KCNU1: variants seen among roughly 807,000 people sequenced by gnomAD.
The protein encoded by KCNU1 is potassium channel subfamily U member 1.
A neutral mutation model predicts 126.8 loss-of-function variants in KCNU1; 93 were observed. That is an observed-to-expected ratio of 0.73 (90% confidence interval 0.62 to 0.87). The LOEUF (loss-of-function observed/expected upper bound fraction) is 0.87, where lower values mean the gene tolerates loss of function less well. Among genes scored for constraint, KCNU1 ranks in the 40% least tolerant of loss-of-function variants. The pLI, the probability that KCNU1 is intolerant of heterozygous loss-of-function variation, is 0.00. For synonymous variants in KCNU1, 523 were observed against 494.2 expected (o/e 1.06, Z -0.77); for missense variants, 1,330 against 1,367.1 (o/e 0.97, Z 0.43).
At chr8:36,925,361 A>G (rs1361973132) in intron 24 of KCNU1, among the ~76,000 whole-genome samples, 18 of 152,176 alleles carry the variant, frequency 1.2e-4, no homozygotes, top group Admixed American at 1.0e-3. Flanking sequence ...AGCGTCTTCT[A>G]TGTCAAGGGT....
chr8:36,787,187 G>T, intron 1 of KCNU1, 119 bp from the exon 2 acceptor site: 1 of 851,946 alleles, frequency 1.2e-6, no homozygotes. Context: ...TCCCTGGTTT[G>T]GACAAGGTGG....
chr8:36,883,419 CG>C (rs1298770352), intron 19 of KCNU1, among the ~76,000 whole-genome samples: 5 of 152,286 alleles, frequency 3.3e-5, no homozygotes, highest in Admixed American at 6.5e-5. Flanking sequence ...CTCCTGTTCC[CG>C]CTGTCATATC....
At chr8:36,826,182 G>T (rs1804313517) in intron 10 of KCNU1, among the ~76,000 whole-genome samples, 1 of 150,894 alleles carries the variant, frequency 6.6e-6, no homozygotes, top group Non-Finnish European at 1.5e-5. Flanking sequence ...TATATGTCCT[G>T]ATTTTTTTTA....
chr8:36,870,298 A>G lies in KCNU1; in HGVS notation c.2009+5777A>G, dbSNP rs370410404. Reference sequence around the variant, plus strand: ...AAGTTGTTTGTTTCTTTTCTGGCACATCTATTTCCAGCCCTACATAATTTA... The same window carrying G: ...AAGTTGTTTGTTTCTTTTCTGGCACGTCTATTTCCAGCCCTACATAATTTA... On this transcript the variant is annotated intron_variant, in intron 19 of 26. Transcript: ENST00000399881. 3.3e-4 allele frequency among the ~76,000 whole-genome samples: 51 copies of G among 152,264 alleles called. 1 individual carries two copies. Among genetic ancestry groups the G allele is most frequent in the African/African-American group, 1.2e-3 (51 of 41,556 alleles).
chr8:36,881,000 A>G (rs759130055), intron 19 of KCNU1, among the ~76,000 whole-genome samples: 4 of 152,090 alleles, frequency 2.6e-5, no homozygotes, highest in Non-Finnish European at 5.9e-5. Context: ...TCAATATAAA[A>G]AAAAATAAAA....
In KCNU1 at chr8:36,884,483, C is replaced by T. The variant is rs748739669; in HGVS notation, c.2009+19962C>T. ...GGGCGCGGTGGCTCATGCCTGTAAT[C>T]CCAGCACTTTGGGAGTCTGAGGTGG... On this transcript the variant is annotated intron_variant, in intron 19 of 26. Coordinates refer to ENST00000399881, the MANE Select transcript of KCNU1 (RefSeq NM_001031836.3). 5.3e-5 allele frequency among the ~76,000 whole-genome samples: 8 copies of T among 152,124 alleles called. No homozygotes were observed. In the East Asian group the frequency reaches 7.7e-4, roughly 15 times the overall value.
At chr8:36,806,668 G>T (rs1015361146) in intron 5 of KCNU1, among the ~76,000 whole-genome samples, 19 of 152,140 alleles carry the variant, frequency 1.2e-4, no homozygotes, top group African/African-American at 4.6e-4. Flanking sequence ...GCACCTTTAT[G>T]CTGGGATCCC....
intron 10 of KCNU1, among the ~76,000 whole-genome samples, chr8:36,823,254 C>T (rs1563277396): frequency 6.6e-6 from 1 of 152,138 alleles, no homozygotes; most frequent in Non-Finnish European, 1.5e-5. Context: ...AAATACTTAC[C>T]ATGAAGTATT....
At chr8:36,914,066 A>T (rs533543114) in intron 22 of KCNU1, among the ~76,000 whole-genome samples, 3 of 152,226 alleles carry the variant, frequency 2.0e-5, no homozygotes, top group African/African-American at 7.2e-5. Context: ...TTTCTTAATC[A>T]TTCTTCTCAT....
At chr8:36,802,092 G>C (rs1803329646) in intron 2 of KCNU1, among the ~76,000 whole-genome samples, 1 of 113,242 alleles carries the variant, frequency 8.8e-6, no homozygotes, top group East Asian at 3.0e-4. Context: ...CTGGGGAAAA[G>C]AGCGAAACTC....
intron 2 of KCNU1, among the ~76,000 whole-genome samples, chr8:36,787,969 C>T (rs569904027): frequency 2.6e-5 from 4 of 151,324 alleles, no homozygotes; most frequent in South Asian, 2.1e-4. Flanking sequence ...TATTTGTGAG[C>T]GTTTGGTTCT....
chr8:36,813,640 A>G (rs1241482525), intron 7 of KCNU1, among the ~76,000 whole-genome samples: 1 of 150,558 alleles, frequency 6.6e-6, no homozygotes, highest in Non-Finnish European at 1.5e-5. Flanking sequence ...TCAAAGAAAA[A>G]ATCAGAGGAA....
chr8:36,789,311 T>C (rs903964924), intron 2 of KCNU1, among the ~76,000 whole-genome samples: 3 of 151,930 alleles, frequency 2.0e-5, no homozygotes, highest in Non-Finnish European at 2.9e-5. Context: ...CTGCAGTGAG[T>C]TGTGATCATG....
intron 19 of KCNU1, among the ~76,000 whole-genome samples, chr8:36,904,265 G>A (rs1460907916): frequency 6.6e-6 from 1 of 152,156 alleles, no homozygotes; most frequent in Non-Finnish European, 1.5e-5. Flanking sequence ...AAGCAGGCCA[G>A]GGCACTCAGC....
At chr8:36,813,368 C>A (rs902029414) in intron 7 of KCNU1, among the ~76,000 whole-genome samples, 1 of 151,814 alleles carries the variant, frequency 6.6e-6, no homozygotes, top group Non-Finnish European at 1.5e-5. Flanking sequence ...AAGATTTTAT[C>A]ATCTTTTGTG....
chr8:36,785,574 T>C (rs1171864641), intron 1 of KCNU1, among the ~76,000 whole-genome samples: 1 of 152,200 alleles, frequency 6.6e-6, no homozygotes, highest in Non-Finnish European at 1.5e-5. Flanking sequence ...AGCTTATAGA[T>C]TTTGTTCCTA....
intron 18 of KCNU1, among the ~76,000 whole-genome samples, chr8:36,846,529 C>T (rs1218919993): frequency 6.6e-6 from 1 of 152,168 alleles, no homozygotes; most frequent in Non-Finnish European, 1.5e-5. Context: ...CTCAGTCGGG[C>T]ACGGTGGCTC....
chr8:36,848,393 T>G (rs750519170), intron 18 of KCNU1, among the ~76,000 whole-genome samples: 2 of 152,194 alleles, frequency 1.3e-5, no homozygotes, highest in Non-Finnish European at 2.9e-5. Context: ...CACTATTTTC[T>G]TCTAGCAGTT....
intron 19 of KCNU1, among the ~76,000 whole-genome samples, chr8:36,893,308 T>C (rs1807049262): frequency 6.6e-6 from 1 of 151,118 alleles, no homozygotes; most frequent in African/African-American, 2.4e-5. Flanking sequence ...AGCTTTTTCT[T>C]TTGAAGATTT....
Sources: gnomAD v4.1 joint callset for allele counts (sites outside exome capture counted in the v4.1 genomes callset) on GRCh38, gnomAD v4.1.1 for gene constraint, MANE v1.5 for transcripts, NCBI Gene and HGNC (gene_info 2026-07-23, HGNC 2026-07-21) for gene names.